Variants in MKRN1 observed in about 807,000 individuals in gnomAD.
MKRN1 encodes the protein makorin ring finger protein 1.
A neutral mutation model predicts 55.5 loss-of-function variants in MKRN1; 9 were observed. That is an observed-to-expected ratio of 0.16 (90% CI 0.10 to 0.28). The LOEUF is 0.28. Ranked by LOEUF, MKRN1 falls within the 10% of genes least tolerant of loss-of-function variation. MKRN1 has a pLI of 1.00. For missense variants in MKRN1, 488 were observed against 626.7 expected, an observed-to-expected ratio of 0.78 and a Z score of 2.36; for synonymous variants, 253 against 235.9, an observed-to-expected ratio of 1.07 and a Z score of -0.66.
chr7:140,478,567 A>G (rs1343439091), intron 1 of MKRN1: 2 of 152,176 alleles, frequency 1.3e-5, no homozygotes, highest in African/African-American at 4.8e-5. Flanking sequence ...CTCGACAAAC[A>G]TACAAAGAAG....
chr7:140,477,174 T>C (rs1309999207), intron 1 of MKRN1, among the ~76,000 whole-genome samples: 3 of 151,394 alleles, frequency 2.0e-5, no homozygotes, highest in Admixed American at 6.6e-5. Context: ...AGAGATCATG[T>C]TGGTACCTAG....
At chr7:140,473,415 A>T (rs1003885738) in intron 1 of MKRN1, 1 of 310,554 alleles carries the variant, frequency 3.2e-6, no homozygotes, top group Non-Finnish European at 6.3e-6. Flanking sequence ...CAACATAGAG[A>T]ACAAGAAACT....
chr7:140,455,978 G>C (rs2363826), intron 5 of MKRN1, 78 bp from the exon 6 acceptor site: 199,762 of 1,276,534 alleles, frequency 0.16, 24,624 homozygotes, highest in African/African-American at 0.64. Flanking sequence ...CTGGTGTGTC[G>C]CCTCCAGACT....
At chr7:140,456,264 A>G in intron 5 of MKRN1, 1 of 1,160,820 alleles carries the variant, frequency 8.6e-7, no homozygotes, top group South Asian at 2.5e-5. Flanking sequence ...AGTTATGAGA[A>G]CAATCTTTAA....
chr7:140,468,911 T>C (rs1319015248), intron 2 of MKRN1, among the ~76,000 whole-genome samples: 1 of 132,000 alleles, frequency 7.6e-6, no homozygotes, highest in Non-Finnish European at 1.5e-5. Context: ...TCATCCTTAC[T>C]GGACTCTTAA....
rs1210115660 is a variant in MKRN1, at chr7:140,476,549, T to G, written c.185+2611A>C. Among the ~76,000 whole-genome samples, 5 of 150,340 alleles carry G rather than the reference T, an allele frequency of 3.3e-5. No homozygotes were observed. In the East Asian group the frequency reaches 5.8e-4, roughly 17 times the overall value. The stretch of plus-strand genomic sequence containing the variant: ...CTTTGGTAATTTACAAGTTTTGTTT[T>G]TTTTTTTTTTAATGAAAGCAGAGGA... On this transcript the variant is annotated intron_variant, in intron 1 of 7. Transcript: ENST00000255977.
At position 140,471,948 on chromosome 7, in the gene MKRN1, G is replaced by C. The variant is rs771751617; in HGVS notation, c.249C>G (p.Asp83Glu). Residue 83 changes from aspartate to glutamate, a missense_variant, in exon 2 of 8, where the codon GAC becomes GAG. Physicochemically the swap from Asp to Glu is conservative, Grantham distance 45 (BLOSUM62 2). This residue lies in a region of MKRN1 where 210 missense variants were observed against 220.0 expected (regional missense o/e 0.95). Coordinates refer to ENST00000255977, the MANE Select transcript of MKRN1 (RefSeq NM_013446.4). ...DNCRYSHDLS[D>E]SPYSVVCKYF... ...ACTTGCACACTACACTATACGGACT[G>C]TCAGAGAGGTCATGCGAGTAGCGAC... The C allele has an allele frequency of 1.2e-6, 2 of 1,614,116 alleles. No individual in the cohort carries two copies. The highest frequency in any genetic ancestry group is 1.7e-5 in the Admixed American group (1 of 60,002).
intron 2 of MKRN1, among the ~76,000 whole-genome samples, chr7:140,469,393 A>C (rs1397357403): frequency 2.6e-5 from 4 of 152,094 alleles, no homozygotes; most frequent in Admixed American, 6.6e-5. Flanking sequence ...AAGTACATAC[A>C]AAACTCTTTG....
chr7:140,466,851 T>A (rs1794788154), intron 2 of MKRN1, among the ~76,000 whole-genome samples: 2 of 149,656 alleles, frequency 1.3e-5, no homozygotes, highest in Non-Finnish European at 1.5e-5. Flanking sequence ...AAAACTTAGC[T>A]GGAGGTGGTG....
intron 1 of MKRN1, among the ~76,000 whole-genome samples, chr7:140,477,408 G>A (rs1336672931): frequency 6.6e-6 from 1 of 151,904 alleles, no homozygotes; most frequent in Non-Finnish European, 1.5e-5. Flanking sequence ...CGCAACCTCT[G>A]CCTCCTGGGT....
rs1185328876 is a variant in MKRN1, at chr7:140,455,205, C to G, written c.1126G>C (p.Gly376Arg). The part of the protein sequence containing the change: ...SNKACRYFDE[G>R]RGSCPFGGNC... ...CCTCCAAATGGGCAGCTCCCACGTC[C>G]TTCATCAAAATACCTGCACGCCTTG... Residue 376 changes from glycine (G) to arginine (R), a missense_variant, in exon 7 of 8, where the codon GGA becomes CGA. By Grantham distance (125) the Gly-to-Arg change is moderately radical. This residue lies in a region of MKRN1 where 278 missense variants were observed against 406.7 expected (regional missense o/e 0.68). Transcript: ENST00000255977. The G allele has an allele frequency of 5.0e-6, 8 of 1,614,110 alleles. No individual in the cohort carries two copies. The highest frequency in any genetic ancestry group is 6.8e-6 in the Non-Finnish European group (8 of 1,180,040).
At chr7:140,461,975 C>T in intron 2 of MKRN1, among the ~76,000 whole-genome samples, 1 of 152,188 alleles carries the variant, frequency 6.6e-6, no homozygotes, top group East Asian at 1.9e-4. Context: ...AAGAGCAAAA[C>T]TCCATCTCGA....
At chr7:140,471,154 C>T (rs905265606) in intron 2 of MKRN1, among the ~76,000 whole-genome samples, 1 of 152,092 alleles carries the variant, frequency 6.6e-6, no homozygotes, top group Non-Finnish European at 1.5e-5. Flanking sequence ...GAGGCCAAGG[C>T]AGGAAGATTG....
At chr7:140,471,760 G>A in intron 2 of MKRN1, 123 bp downstream of exon 2, 2 of 1,360,698 alleles carry the variant, frequency 1.5e-6, no homozygotes, top group South Asian at 1.4e-5. Context: ...ATGAGCCACT[G>A]CCCAGCCAAG....
At chr7:140,455,555 C>A in intron 6 of MKRN1, 5 of 560,218 alleles carry the variant, frequency 8.9e-6, no homozygotes, top group South Asian at 2.5e-5. Flanking sequence ...ACTCATGGGG[C>A]CTTACTTGTC....
At position 140,479,399 on chromosome 7, in the gene MKRN1, G is replaced by T; in HGVS notation, c.-55C>A. 2 of 1,263,862 alleles carry T rather than the reference G, an allele frequency of 1.6e-6. No homozygotes were observed. The highest frequency in any genetic ancestry group is 2.0e-6 in the Non-Finnish European group (2 of 998,810). 78.3% of individuals were successfully genotyped at this position (1,263,862 alleles called of 1,614,324 possible). A position where few individuals can be genotyped will look rare whatever the true frequency, so the allele number is the denominator to read the frequency against. On this transcript the variant is annotated 5_prime_UTR_variant, in exon 1 of 8. Coordinates refer to ENST00000255977, the MANE Select transcript of MKRN1 (RefSeq NM_013446.4). ...GGAACTTCCGGGATCACATAGTTCC[G>T]GTCCGGCTGCGGGGAGAGGACGGCG...
At chr7:140,456,585 T>C in intron 5 of MKRN1, 67 bp downstream of exon 5, 2 of 1,579,194 alleles carry the variant, frequency 1.3e-6, no homozygotes, top group Non-Finnish European at 1.7e-6. Flanking sequence ...TGGTTGAAAG[T>C]TGGCACAAGT....
chr7:140,459,674 TCTAA>T (rs760443771), intron 3 of MKRN1, 29 bp downstream of exon 3: 24 of 1,594,410 alleles, frequency 1.5e-5, no homozygotes, highest in Middle Eastern at 1.7e-4. Context: ...TATCCAGCCC[TCTAA>T]CTCTTATTTT....
Position 140,454,508 on chromosome 7 carries a change from G to A in MKRN1, c.*9C>T, listed in dbSNP as rs199805025. On this transcript the variant is annotated 3_prime_UTR_variant, in exon 8 of 8. Transcript: ENST00000255977. Reference sequence around the variant, plus strand: ...GTCAGCAGACCAGTTCACACGCCACGCAAGGTTGCTATAGATCCAAGTCAT... The same window carrying A: ...GTCAGCAGACCAGTTCACACGCCACACAAGGTTGCTATAGATCCAAGTCAT... 487 of 1,609,228 alleles carry A rather than the reference G, an allele frequency of 3.0e-4. 2 individuals carry two copies. The African/African-American group carries it at 3.3e-3, about 11-fold the overall frequency.
Sources: gnomAD v4.1 joint callset for allele counts (sites outside exome capture counted in the v4.1 genomes callset) on GRCh38, gnomAD v4.1.1 for gene constraint, gnomAD v4.1.1 regional missense constraint, MANE v1.5 for transcripts, NCBI Gene and HGNC (gene_info 2026-07-23, HGNC 2026-07-21) for gene names.